ACSL6: variants seen among roughly 807,000 people sequenced by gnomAD.
ACSL6 encodes the protein long-chain-fatty-acid--CoA ligase 6.
Under a neutral mutation model 98.2 loss-of-function variants are expected in ACSL6, and 47 were observed. The ratio of observed to expected loss-of-function variants is 0.48; its 90% CI spans 0.38 to 0.61. The LOEUF (loss-of-function observed/expected upper bound fraction) is 0.61. ACSL6 is among the 20% of genes least tolerant of loss of function. The pLI is 0.00. For missense variants in ACSL6, 761 were observed against 913.4 expected (o/e 0.83, Z 2.15); for synonymous variants, 362 against 336.9 (o/e 1.07, Z -0.82).
At chr5:131,995,866 C>T (rs533904795) in intron 1 of ACSL6, among the ~76,000 whole-genome samples, 2 of 152,334 alleles carry the variant, frequency 1.3e-5, no homozygotes, top group East Asian at 1.9e-4. Context: ...ACATATAAAG[C>T]CCCTTGCACT....
upstream of ACSL6, chr5:132,011,972 G>A: frequency 1.3e-6 from 2 of 1,526,236 alleles, no homozygotes; most frequent in Non-Finnish European, 1.8e-6. This position sits in a 1 kb window ranked among gnomAD's most constrained non-coding sequence, Gnocchi z 5.4. Flanking sequence ...GCCAGAGCGT[G>A]ACATTGAGCC....
chr5:132,000,667 G>C lies in ACSL6; in HGVS notation c.50-6416C>G, dbSNP rs149349324. Among the ~76,000 whole-genome samples the C allele has an allele frequency of 5.7e-3, 869 of 152,244 alleles. 8 individuals carry two copies. The highest frequency in any genetic ancestry group is 0.019 in the African/African-American group (776 of 41,528). ...GACTCATGGTGGCACCTGCTAATAA[G>C]TAAAAGACAAGTCTAGGCCACAGGA... On this transcript the variant is annotated intron_variant, in intron 1 of 20. Transcript: ENST00000651883.
intron 7 of ACSL6, 21 bp downstream of exon 7, chr5:131,988,027 C>T (rs141599569): frequency 8.9e-5 from 143 of 1,607,978 alleles, no homozygotes; most frequent in South Asian, 6.8e-4. Flanking sequence ...CCCAGCAAAC[C>T]GCCCAGAAGC....
At chr5:131,974,817 A>G (rs1753527996) in intron 11 of ACSL6, 76 bp downstream of exon 11, 1 of 1,613,592 alleles carries the variant, frequency 6.2e-7, no homozygotes, top group African/African-American at 1.3e-5. Context: ...ACATCCGCAC[A>G]AGTGGGAGCC....
rs796597083 is a variant in ACSL6, at chr5:131,973,475, T to G, written c.1069-75A>C. The G allele has an allele frequency of 1.1e-5, 16 of 1,516,850 alleles. No homozygotes were observed. In the African/African-American group the frequency reaches 2.1e-4, roughly 19 times the overall value. 94.0% of individuals were successfully genotyped at this position (1,516,850 alleles called of 1,614,324 possible). Reference sequence around the variant, plus strand: ...GGCGATAGTCCAAAGCTGTCCAAAGTGCTGCCCTACATGGAGGGCACCCAT... The same window carrying G: ...GGCGATAGTCCAAAGCTGTCCAAAGGGCTGCCCTACATGGAGGGCACCCAT... On this transcript the variant is annotated intron_variant, in intron 11 of 20. Transcript: ENST00000651883.
rs755447290 is a variant in ACSL6, at chr5:131,988,149, G to C, written c.730C>G (p.Pro244Ala). Reference sequence around the variant, plus strand: ...ATGAGGATGATCAGCTTGAGGCCTGGAGTCTCCTTCCTCTCCACATGCTCT... The same window carrying C: ...ATGAGGATGATCAGCTTGAGGCCTGCAGTCTCCTTCCTCTCCACATGCTCT... ...LLEHVERKETPGLKLIILMDP... is the reference protein window; with the variant it reads ...LLEHVERKETAGLKLIILMDP... Residue 244 changes from proline (P) to alanine (A), a missense_variant, in exon 7 of 21, where the codon CCA becomes GCA. Pro to Ala is a conservative substitution (Grantham distance 27, BLOSUM62 -1). Transcript: ENST00000651883. 4 of 1,614,176 alleles carry C rather than the reference G, an allele frequency of 2.5e-6. No individual in the cohort carries two copies. Among genetic ancestry groups the C allele is most frequent in the South Asian group, 2.2e-5 (2 of 91,082 alleles).
intron 10 of ACSL6, 87 bp downstream of exon 10, chr5:131,976,561 A>T: frequency 8.1e-7 from 1 of 1,239,760 alleles, no homozygotes; most frequent in Non-Finnish European, 1.1e-6. Context: ...AAAAAAAGAA[A>T]AAGAAAACAA....
chr5:131,966,331 G>A lies in ACSL6; in HGVS notation c.1713+85C>T, dbSNP rs1033342606. ...AATGACTCATTGTCAGGGGGGATTT[G>A]GAGAAGACTCCTGCCTCAGTGACCC... On this transcript the variant is annotated intron_variant, in intron 17 of 20. Coordinates refer to ENST00000651883, the MANE Select transcript of ACSL6 (RefSeq NM_001009185.3). The A allele has an allele frequency of 2.3e-6, 3 of 1,322,008 alleles. No individual in the cohort carries two copies. In the Admixed American group the frequency reaches 5.1e-5, roughly 22 times the overall value. 81.9% of individuals were successfully genotyped at this position (1,322,008 alleles called of 1,614,324 possible).
chr5:131,958,154 G>C (rs1418583479), intron 20 of ACSL6, among the ~76,000 whole-genome samples: 2 of 152,186 alleles, frequency 1.3e-5, no homozygotes, highest in Non-Finnish European at 2.9e-5. Flanking sequence ...TCCATGAAGA[G>C]GAATCTGGGT....
chr5:131,979,890 C>T (rs979305817), intron 9 of ACSL6, among the ~76,000 whole-genome samples: 11 of 152,218 alleles, frequency 7.2e-5, no homozygotes, highest in African/African-American at 2.7e-4. Flanking sequence ...ATTTAATTTT[C>T]TCTCTAGCCA....
intron 15 of ACSL6, among the ~76,000 whole-genome samples, chr5:131,968,387 T>A (rs1308323165): frequency 6.6e-6 from 1 of 152,208 alleles, no homozygotes; most frequent in African/African-American, 2.4e-5. Context: ...TTCCCCATTG[T>A]CAGATCACAC....
intron 20 of ACSL6, among the ~76,000 whole-genome samples, chr5:131,956,590 T>C (rs1247995836): frequency 6.6e-6 from 1 of 152,112 alleles, no homozygotes. Flanking sequence ...AAAATACCTA[T>C]ACAACCTGCT....
chr5:131,957,896 G>A (rs557326954), intron 20 of ACSL6, among the ~76,000 whole-genome samples: 13 of 152,294 alleles, frequency 8.5e-5, no homozygotes, highest in African/African-American at 3.1e-4. Flanking sequence ...AGGAGAATGA[G>A]AACAGAGAAA....
intron 18 of ACSL6, among the ~76,000 whole-genome samples, chr5:131,962,020 T>TA (rs1013145114): frequency 1.0e-4 from 13 of 129,730 alleles, no homozygotes; most frequent in East Asian, 6.7e-4. Flanking sequence ...TACTAAAAAT[T>TA]AAAAAAAAAA....
chr5:131,981,362 A>G (rs1753886653), intron 9 of ACSL6, among the ~76,000 whole-genome samples: 1 of 151,806 alleles, frequency 6.6e-6, no homozygotes, highest in African/African-American at 2.4e-5. Flanking sequence ...TTTCTCCTCA[A>G]GTATAACACA....
chr5:131,954,677 T>G (rs1752306292), intron 20 of ACSL6, among the ~76,000 whole-genome samples: 1 of 152,098 alleles, frequency 6.6e-6, no homozygotes, highest in African/African-American at 2.4e-5. Flanking sequence ...TCACGTCCAG[T>G]AGTGGAGACA....
At chr5:131,996,867 G>A (rs1211616991) in intron 1 of ACSL6, among the ~76,000 whole-genome samples, 1 of 152,208 alleles carries the variant, frequency 6.6e-6, no homozygotes, top group African/African-American at 2.4e-5. Context: ...AGCCAGAAAA[G>A]CTGCCTGACT....
intron 9 of ACSL6, among the ~76,000 whole-genome samples, chr5:131,978,163 G>A (rs1274460368): frequency 1.3e-5 from 2 of 152,258 alleles, no homozygotes; most frequent in Non-Finnish European, 2.9e-5. Context: ...TTAGAGAGCA[G>A]TGGTGGGAAT....
chr5:131,960,921 A>C (rs1752672945), intron 18 of ACSL6: 1 of 241,604 alleles, frequency 4.1e-6, no homozygotes, highest in Admixed American at 5.6e-5. Context: ...CTGAGCAAAC[A>C]ACTCTCTGAT....
Sources: allele counts gnomAD v4.1 joint callset (sites outside exome capture counted in the v4.1 genomes callset), GRCh38; gene constraint gnomAD v4.1.1; non-coding constraint Gnocchi (gnomAD v3.1); transcripts MANE v1.5; gene names NCBI Gene and HGNC (gene_info 2026-07-23, HGNC 2026-07-21).